The following PTPRG variants were observed in gnomAD, a reference collection of about 807,000 sequenced individuals.
PTPRG encodes the protein receptor-type tyrosine-protein phosphatase gamma.
PTPRG carries 102 observed loss-of-function variants against 165.3 expected under a neutral mutation model. That is an observed-to-expected ratio of 0.62 (90% CI 0.53 to 0.73). The LOEUF is 0.73. Ranked by LOEUF, PTPRG falls within the 30% of genes least tolerant of loss-of-function variation. The pLI, the probability that PTPRG is intolerant of heterozygous loss-of-function variation, is 0.00. For synonymous variants in PTPRG, 675 were observed against 669.5 expected (o/e 1.01, Z -0.13); for missense variants, 1,866 against 1,861.4 (o/e 1.00, Z -0.05).
At chr3:61,741,427 C>A (rs913733799) in intron 1 of PTPRG, among the ~76,000 whole-genome samples, 1 of 152,150 alleles carries the variant, frequency 6.6e-6, no homozygotes, top group African/African-American at 2.4e-5. Flanking sequence ...ACTGGAGAAC[C>A]AGAATTTCTT....
intron 4 of PTPRG, among the ~76,000 whole-genome samples, chr3:62,064,599 TC>T (rs1700944014): frequency 6.6e-6 from 1 of 152,162 alleles, no homozygotes; most frequent in South Asian, 2.1e-4. Flanking sequence ...TGAATATTTG[TC>T]TTTGTATATG....
At chr3:62,098,681 G>A (rs886192015) in intron 5 of PTPRG, among the ~76,000 whole-genome samples, 4 of 152,178 alleles carry the variant, frequency 2.6e-5, no homozygotes, top group Non-Finnish European at 5.9e-5. Context: ...TACCTTCCAG[G>A]AAACCTGGTT....
intron 2 of PTPRG, among the ~76,000 whole-genome samples, chr3:61,822,960 A>G (rs1440033493): frequency 6.6e-6 from 1 of 152,188 alleles, no homozygotes; most frequent in Non-Finnish European, 1.5e-5. Flanking sequence ...TTTCTGGGAA[A>G]GAGAGGAACA....
chr3:61,864,291 A>G (rs775973962), intron 2 of PTPRG, among the ~76,000 whole-genome samples: 3 of 152,118 alleles, frequency 2.0e-5, no homozygotes, highest in Non-Finnish European at 4.4e-5. Context: ...TTCTATATGT[A>G]CCCCAGGAGA....
chr3:61,777,585 G>A (rs772798859), intron 2 of PTPRG, among the ~76,000 whole-genome samples: 21 of 152,166 alleles, frequency 1.4e-4, no homozygotes, highest in Non-Finnish European at 3.1e-4. Flanking sequence ...TAAATGCAGT[G>A]CTGTTAGGGT....
Position 61,797,082 on chromosome 3 carries a change from C to T in PTPRG, c.190+48100C>T, listed in dbSNP as rs185937678. ...TTTTGCGAGGTTGTTAGAGGCCAGC[C>T]GGCACAGAAATGTTCGTATTCTTCC... On this transcript the variant is annotated intron_variant, in intron 2 of 29. Coordinates refer to ENST00000474889, the MANE Select transcript of PTPRG (RefSeq NM_002841.4). 7.9e-5 allele frequency among the ~76,000 whole-genome samples: 12 copies of T among 152,266 alleles called. No homozygotes were observed. In the East Asian group the frequency reaches 1.5e-3, roughly 20 times the overall value.
At chr3:61,679,873 A>G (rs1227222954) in intron 1 of PTPRG, among the ~76,000 whole-genome samples, 3 of 152,212 alleles carry the variant, frequency 2.0e-5, no homozygotes, top group Non-Finnish European at 4.4e-5. Context: ...AATGGAATGC[A>G]GTGGGAAGTA....
intron 2 of PTPRG, among the ~76,000 whole-genome samples, chr3:61,978,188 C>T (rs201837261): frequency 2.0e-5 from 3 of 152,116 alleles, no homozygotes; most frequent in Admixed American, 6.5e-5. Flanking sequence ...CATCTCTTTG[C>T]GTACTAGAGA....
chr3:61,925,019 G>C (rs890069259), intron 2 of PTPRG, among the ~76,000 whole-genome samples: 2 of 152,202 alleles, frequency 1.3e-5, no homozygotes, highest in African/African-American at 4.8e-5. Flanking sequence ...GAACCCCACA[G>C]AACACACTGG....
chr3:61,571,069 T>G (rs1700043305), intron 1 of PTPRG, among the ~76,000 whole-genome samples: 1 of 152,202 alleles, frequency 6.6e-6, no homozygotes, highest in Admixed American at 6.5e-5. Context: ...CTCACCCTTT[T>G]AATCTATAAA....
intron 2 of PTPRG, among the ~76,000 whole-genome samples, chr3:61,752,785 C>CAAAAAAAAAAAAAAAAAAA (rs749817659): frequency 7.1e-5 from 5 of 69,986 alleles, no homozygotes; most frequent in Non-Finnish European, 7.5e-5. Context: ...AAGACTGTCT[C>CAAAAAAAAAAAAAAAAAAA]AAAAAAAAAA....
At chr3:61,940,566 G>C (rs961511020) in intron 2 of PTPRG, among the ~76,000 whole-genome samples, 3 of 151,850 alleles carry the variant, frequency 2.0e-5, no homozygotes, top group Non-Finnish European at 2.9e-5. Flanking sequence ...ATGATTTCTT[G>C]TTTTGTTCTC....
At chr3:61,925,270 T>C (rs1256443285) in intron 2 of PTPRG, among the ~76,000 whole-genome samples, 1 of 152,254 alleles carries the variant, frequency 6.6e-6, no homozygotes, top group Non-Finnish European at 1.5e-5. Flanking sequence ...TTTTTCTGCT[T>C]TTTCTCTGTT....
chr3:61,656,809 T>TA (rs778931858), intron 1 of PTPRG, among the ~76,000 whole-genome samples: 2 of 152,184 alleles, frequency 1.3e-5, no homozygotes, highest in Non-Finnish European at 2.9e-5. Flanking sequence ...GGGGCTACTA[T>TA]AAAAAATGTT....
At chr3:62,239,336 T>TCTTC (rs1491017524) in intron 14 of PTPRG, among the ~76,000 whole-genome samples, 1 of 151,396 alleles carries the variant, frequency 6.6e-6, no homozygotes, top group Admixed American at 6.6e-5. Flanking sequence ...TTCTTTTTTT[T>TCTTC]CTTTCTTTCT....
chr3:62,139,667 C>T (rs114809524), intron 6 of PTPRG, among the ~76,000 whole-genome samples: 1,728 of 152,272 alleles, frequency 0.011, 16 homozygotes, highest in Non-Finnish European at 0.019. Context: ...CTTTTCTTGT[C>T]GAAACACGGC....
At chr3:62,220,837 T>A (rs532335069) in intron 13 of PTPRG, among the ~76,000 whole-genome samples, 3 of 152,292 alleles carry the variant, frequency 2.0e-5, no homozygotes, top group East Asian at 1.9e-4. Flanking sequence ...TCTCAGACTG[T>A]CACCACAGGG....
intron 1 of PTPRG, among the ~76,000 whole-genome samples, chr3:61,731,102 C>A (rs950431651): frequency 6.6e-6 from 1 of 152,154 alleles, no homozygotes; most frequent in African/African-American, 2.4e-5. Context: ...CTCACATTTC[C>A]ATTGCTAAAG....
chr3:61,610,439 T>C (rs1701133182), intron 1 of PTPRG, among the ~76,000 whole-genome samples: 3 of 152,144 alleles, frequency 2.0e-5, no homozygotes. Context: ...TATAAAAAAA[T>C]TGCCCAGGCA....
Sources: allele counts gnomAD v4.1 joint callset (sites outside exome capture counted in the v4.1 genomes callset), GRCh38; gene constraint gnomAD v4.1.1; transcripts MANE v1.5; gene names NCBI Gene and HGNC (gene_info 2026-07-23, HGNC 2026-07-21).